The following SKAP2 variants were observed in gnomAD, a reference collection of about 807,000 sequenced individuals.
The protein encoded by SKAP2 is src kinase associated phosphoprotein 2, also known as src kinase-associated phosphoprotein 2.
A neutral mutation model predicts 54.9 loss-of-function variants in SKAP2; 28 were observed. That is an observed-to-expected ratio of 0.51 (90% CI 0.38 to 0.70). The LOEUF (loss-of-function observed/expected upper bound fraction) is 0.70, where lower values mean the gene tolerates loss of function less well. Among genes scored for constraint, SKAP2 ranks in the 30% least tolerant of loss-of-function variants. SKAP2 has a pLI of 0.00. For missense variants in SKAP2, 356 were observed against 424.1 expected, an observed-to-expected ratio of 0.84 and a Z score of 1.41; for synonymous variants, 137 against 134.3, an observed-to-expected ratio of 1.02 and a Z score of -0.14.
intron 4 of SKAP2, among the ~76,000 whole-genome samples, chr7:26,809,732 GATCCAGTA>G (rs2127987500): frequency 6.6e-6 from 1 of 152,280 alleles, no homozygotes; most frequent in South Asian, 2.1e-4. Flanking sequence ...GCTACCATAT[GATCCAGTA>G]ATCCCACTTC....
At chr7:26,719,659 T>G (rs1028181815) in intron 9 of SKAP2, among the ~76,000 whole-genome samples, 1 of 152,208 alleles carries the variant, frequency 6.6e-6, no homozygotes, top group South Asian at 2.1e-4. Context: ...GAGAAAATGC[T>G]TCCTTCATTT....
chr7:26,710,121 T>A (rs1787268432), intron 9 of SKAP2, among the ~76,000 whole-genome samples: 1 of 152,154 alleles, frequency 6.6e-6, no homozygotes, highest in Non-Finnish European at 1.5e-5. Context: ...CCCCTTTAAC[T>A]AAAGACTTTG....
intron 4 of SKAP2, among the ~76,000 whole-genome samples, chr7:26,798,696 C>T (rs1783839248): frequency 6.6e-6 from 1 of 152,122 alleles, no homozygotes; most frequent in Admixed American, 6.5e-5. Flanking sequence ...TCAAAAATAA[C>T]TACTTTTCAA....
intron 5 of SKAP2, 47 bp from the exon 6 acceptor site, chr7:26,738,925 G>T (rs777211244): frequency 2.8e-6 from 3 of 1,080,298 alleles, no homozygotes; most frequent in Non-Finnish European, 4.3e-6. Flanking sequence ...TACTGTAAAA[G>T]AAAAAGTTAA....
At chr7:26,844,888 G>T (rs1584423104) in intron 3 of SKAP2, among the ~76,000 whole-genome samples, 1 of 151,896 alleles carries the variant, frequency 6.6e-6, no homozygotes, top group Non-Finnish European at 1.5e-5. Flanking sequence ...TCGATTTTTT[G>T]ATTGACTTTT....
the SKAP2 span, among the ~76,000 whole-genome samples, chr7:26,656,854 A>G: frequency 6.6e-6 from 1 of 152,006 alleles, no homozygotes; most frequent in Non-Finnish European, 1.5e-5. Context: ...AAAAAAAAAG[A>G]CCTTCTACAA....
intron 10 of SKAP2, among the ~76,000 whole-genome samples, chr7:26,685,206 C>G (rs1208770031): frequency 6.6e-6 from 1 of 152,148 alleles, no homozygotes; most frequent in Non-Finnish European, 1.5e-5. Flanking sequence ...GTCTGCCACA[C>G]TTCACAATGA....
chr7:26,832,444 T>G (rs2127992758), intron 4 of SKAP2, among the ~76,000 whole-genome samples: 1 of 152,328 alleles, frequency 6.6e-6, no homozygotes, highest in South Asian at 2.1e-4. Context: ...TACAGCAGCC[T>G]CTTGGTGTCA....
At chr7:26,659,959 C>T in the SKAP2 span, among the ~76,000 whole-genome samples, 1,806 of 151,966 alleles carry the variant, frequency 0.012, 37 homozygotes, top group African/African-American at 0.041. Context: ...GAGTTTAGGG[C>T]GGCTCTTGCT....
intron 9 of SKAP2, among the ~76,000 whole-genome samples, chr7:26,701,740 A>C (rs59903506): frequency 0.58 from 85,223 of 146,274 alleles, 24,382 homozygotes; most frequent in East Asian, 0.87. Flanking sequence ...TAAATAAATA[A>C]ATAAATAAAT....
chr7:26,752,781 T>A (rs1782713383), intron 4 of SKAP2, among the ~76,000 whole-genome samples: 1 of 152,114 alleles, frequency 6.6e-6, no homozygotes. Context: ...TGGATGAAGA[T>A]CATCTTAACA....
the SKAP2 span, among the ~76,000 whole-genome samples, chr7:26,656,016 T>G: frequency 6.6e-6 from 1 of 152,198 alleles, no homozygotes; most frequent in African/African-American, 2.4e-5. Flanking sequence ...TTTGTGTGTT[T>G]ACGTCCCCCC....
intron 4 of SKAP2, among the ~76,000 whole-genome samples, chr7:26,766,537 C>A (rs2127973151): frequency 6.6e-6 from 1 of 152,308 alleles, no homozygotes; most frequent in South Asian, 2.1e-4. Context: ...AGAGGGCATC[C>A]TTGTCTTGAG....
chr7:26,784,774 G>C (rs560811232), intron 4 of SKAP2, among the ~76,000 whole-genome samples: 23 of 152,258 alleles, frequency 1.5e-4, no homozygotes, highest in African/African-American at 5.1e-4. Flanking sequence ...AAAACATTAA[G>C]CATCTACAGT....
At position 26,791,450 on chromosome 7, in the gene SKAP2, A is replaced by G. The variant is rs753271850; in HGVS notation, c.308-51486T>C. Among the ~76,000 whole-genome samples the G allele has an allele frequency of 4.3e-4, 65 of 152,188 alleles. 1 individual carries two copies. The highest frequency in any genetic ancestry group is 7.8e-4 in the Non-Finnish European group (53 of 68,008). On this transcript the variant is annotated intron_variant, in intron 4 of 12. Coordinates refer to ENST00000345317, the MANE Select transcript of SKAP2 (RefSeq NM_003930.5). ...CTTGGCCTCCCAAAGTTCAGGGATT[A>G]TAGGTGTGAACCACCACAACCAGCC... is the stretch of plus-strand genomic sequence containing the variant.
the SKAP2 span, among the ~76,000 whole-genome samples, chr7:26,656,817 C>T: frequency 1.3e-5 from 2 of 152,006 alleles, no homozygotes; most frequent in African/African-American, 2.4e-5. Context: ...GGTTCATCTA[C>T]CAGGATGTGT....
chr7:26,782,707 G>C (rs1783454049), intron 4 of SKAP2, among the ~76,000 whole-genome samples: 1 of 152,140 alleles, frequency 6.6e-6, no homozygotes, highest in South Asian at 2.1e-4. Context: ...AGAAAAAGAG[G>C]TGGAGCCTTT....
chr7:26,748,161 G>T (rs1782599024), intron 4 of SKAP2, among the ~76,000 whole-genome samples: 1 of 151,978 alleles, frequency 6.6e-6, no homozygotes, highest in Non-Finnish European at 1.5e-5. Context: ...ATATAGAACT[G>T]CTGTCCCTTT....
chr7:26,704,589 A>G (rs935235825), intron 9 of SKAP2, among the ~76,000 whole-genome samples: 2 of 152,208 alleles, frequency 1.3e-5, no homozygotes, highest in African/African-American at 2.4e-5. Flanking sequence ...TTCTAATGTA[A>G]GAGATATCTT....
Sources: gnomAD v4.1 joint callset for allele counts (sites outside exome capture counted in the v4.1 genomes callset) on GRCh38, gnomAD v4.1.1 for gene constraint, MANE v1.5 for transcripts, NCBI Gene and HGNC (gene_info 2026-07-23, HGNC 2026-07-21) for gene names.